The following SYT17 variants were observed in gnomAD, a reference collection of about 807,000 sequenced individuals.
SYT17 encodes the protein synaptotagmin-17.
SYT17 carries 22 observed loss-of-function variants against 46.7 expected under a neutral mutation model. That is an observed-to-expected ratio of 0.47 (90% confidence interval 0.34 to 0.67). The LOEUF (loss-of-function observed/expected upper bound fraction) is 0.67, where lower values mean the gene tolerates loss of function less well. SYT17 is among the 30% of genes least tolerant of loss of function. The pLI, the probability that SYT17 is intolerant of heterozygous loss-of-function variation, is 0.01. For synonymous variants in SYT17, 251 were observed against 248.4 expected (o/e 1.01, Z -0.10); for missense variants, 519 against 612.8 (o/e 0.85, Z 1.62).
chr16:19,199,660 C>CA (rs1965385255), intron 5 of SYT17, among the ~76,000 whole-genome samples: 9 of 152,210 alleles, frequency 5.9e-5, no homozygotes, highest in Admixed American at 5.9e-4. Context: ...CCCCTGAGCC[C>CA]AGGAGTTCAA....
chr16:19,261,036 T>G (rs2269792), intron 7 of SYT17, among the ~76,000 whole-genome samples: 7,594 of 152,190 alleles, frequency 0.05, 801 homozygotes, highest in East Asian at 0.36. Context: ...AAAGAGAGTC[T>G]TACTATGTTG....
intron 5 of SYT17, among the ~76,000 whole-genome samples, chr16:19,215,668 T>TG (rs1966068557): frequency 6.6e-6 from 1 of 152,084 alleles, no homozygotes; most frequent in Non-Finnish European, 1.5e-5. Flanking sequence ...CCTCCAGCCT[T>TG]GGCCTCCCAA....
intron 5 of SYT17, among the ~76,000 whole-genome samples, chr16:19,186,484 TA>T (rs1446668387): frequency 6.6e-6 from 1 of 152,132 alleles, no homozygotes; most frequent in Non-Finnish European, 1.5e-5. Flanking sequence ...GCCTTGTCTC[TA>T]AAAAAATAAA....
chr16:19,220,303 C>CTTTCTTTTTT (rs776097400), intron 5 of SYT17, among the ~76,000 whole-genome samples: 15 of 80,496 alleles, frequency 1.9e-4, no homozygotes, highest in Non-Finnish European at 2.4e-4. Flanking sequence ...TTCTTTCTTT[C>CTTTCTTTTTT]TTTTTTTTTT....
intron 3 of SYT17, among the ~76,000 whole-genome samples, chr16:19,174,085 G>A (rs575002023): frequency 3.9e-5 from 6 of 152,118 alleles, no homozygotes; most frequent in African/African-American, 9.7e-5. Flanking sequence ...TTGCTGCTCC[G>A]AACAAGAACT....
chr16:19,239,373 CCTGT>C (rs1204851511), intron 7 of SYT17, among the ~76,000 whole-genome samples: 2 of 152,122 alleles, frequency 1.3e-5, no homozygotes, highest in Non-Finnish European at 2.9e-5. Flanking sequence ...TCTAGTGTCA[CCTGT>C]CTGCCTACAT....
chr16:19,188,193 A>G (rs1964859555), intron 5 of SYT17, among the ~76,000 whole-genome samples: 1 of 152,178 alleles, frequency 6.6e-6, no homozygotes. Flanking sequence ...AAGAACATGG[A>G]TGGAGCTGGA....
chr16:19,228,838 G>T (rs574347848), intron 7 of SYT17, among the ~76,000 whole-genome samples: 2 of 152,294 alleles, frequency 1.3e-5, no homozygotes, highest in South Asian at 2.1e-4. Context: ...CCAAAGCCCA[G>T]CCTATTAGCA....
chr16:19,217,697 C>G (rs148276904), intron 5 of SYT17, among the ~76,000 whole-genome samples: 11 of 152,312 alleles, frequency 7.2e-5, no homozygotes, highest in African/African-American at 2.6e-4. Context: ...TTCCTATTCT[C>G]TTAGGTATAC....
intron 6 of SYT17, 142 bp from the exon 7 acceptor site, chr16:19,224,541 A>G: frequency 1.2e-6 from 1 of 853,092 alleles, no homozygotes; most frequent in Non-Finnish European, 1.8e-6. Flanking sequence ...GGACTATGAG[A>G]TGAATGAAAA....
chr16:19,219,694 T>C (rs765939150), intron 5 of SYT17, among the ~76,000 whole-genome samples: 12 of 152,234 alleles, frequency 7.9e-5, no homozygotes, highest in Non-Finnish European at 1.3e-4. Flanking sequence ...TTTTTCTTCC[T>C]AATACTTAGC....
At chr16:19,202,654 G>A (rs772571787) in intron 5 of SYT17, among the ~76,000 whole-genome samples, 2 of 152,198 alleles carry the variant, frequency 1.3e-5, no homozygotes, top group Non-Finnish European at 2.9e-5. Flanking sequence ...TGATCTTTCT[G>A]AAGACCAGTC....
At position 19,267,128 on chromosome 16, in the gene SYT17, G is replaced by GA. The variant is rs767080319; in HGVS notation, c.*59dup. On this transcript the variant is annotated 3_prime_UTR_variant, in exon 8 of 8. Transcript: ENST00000355377. The stretch of plus-strand genomic sequence containing the variant: ...TGTTTAAAAAAAAAAAAAAAAGACG[G>GA]AAAAAAATGTGTCACATACTATTAC... 9.1e-7 allele frequency: 1 copy of GA among 1,093,996 alleles called. No individual in the cohort carries two copies. Among genetic ancestry groups the GA allele is most frequent in the Non-Finnish European group, 1.3e-6 (1 of 786,828 alleles). 67.8% of individuals were successfully genotyped at this position (1,093,996 alleles called of 1,614,324 possible). A position where few individuals can be genotyped will look rare whatever the true frequency, so the allele number is the denominator to read the frequency against.
intron 5 of SYT17, among the ~76,000 whole-genome samples, chr16:19,213,581 C>T (rs1965985240): frequency 6.6e-6 from 1 of 152,210 alleles, no homozygotes; most frequent in Admixed American, 6.5e-5. Context: ...GAGCTTCTCG[C>T]ATCAGATAGC....
intron 5 of SYT17, among the ~76,000 whole-genome samples, chr16:19,219,775 A>G (rs1210401107): frequency 2.0e-5 from 3 of 152,182 alleles, no homozygotes; most frequent in Non-Finnish European, 4.4e-5. Context: ...ACAGGAGTGT[A>G]TGTTCCATAA....
intron 7 of SYT17, among the ~76,000 whole-genome samples, chr16:19,247,697 T>G (rs1036511587): frequency 6.6e-6 from 1 of 152,244 alleles, no homozygotes; most frequent in African/African-American, 2.4e-5. Flanking sequence ...TGAACAACCA[T>G]TTTTTATCAT....
intron 5 of SYT17, among the ~76,000 whole-genome samples, chr16:19,207,205 C>G (rs1011898552): frequency 1.3e-5 from 2 of 152,166 alleles, no homozygotes; most frequent in Non-Finnish European, 2.9e-5. Context: ...AGAGGAGATG[C>G]TGGTGCCATG....
chr16:19,222,636 G>A, intron 5 of SYT17, among the ~76,000 whole-genome samples: 1 of 152,174 alleles, frequency 6.6e-6, no homozygotes, highest in Non-Finnish European at 1.5e-5. Flanking sequence ...TTAAGTACCA[G>A]CTCTACCACT....
intron 5 of SYT17, among the ~76,000 whole-genome samples, chr16:19,189,766 A>G (rs573140324): frequency 1.3e-5 from 2 of 152,336 alleles, no homozygotes; most frequent in East Asian, 3.9e-4. Flanking sequence ...AAGCTATTCA[A>G]TTTCTTACTT....
Sources: gnomAD v4.1 joint callset for allele counts (sites outside exome capture counted in the v4.1 genomes callset) on GRCh38, gnomAD v4.1.1 for gene constraint, MANE v1.5 for transcripts, NCBI Gene and HGNC (gene_info 2026-07-23, HGNC 2026-07-21) for gene names.